The following MAGI2 variants were observed in gnomAD, a reference collection of about 807,000 sequenced individuals.
MAGI2 encodes the protein membrane-associated guanylate kinase, WW and PDZ domain-containing protein 2.
MAGI2 carries 35 observed loss-of-function variants against 133.3 expected under a neutral mutation model. That is an observed-to-expected ratio of 0.26 (90% CI 0.20 to 0.35). MAGI2 has a LOEUF of 0.35. Ranked by LOEUF, MAGI2 falls within the 10% of genes least tolerant of loss-of-function variation. The pLI, the probability that MAGI2 is intolerant of heterozygous loss-of-function variation, is 1.00. For synonymous variants in MAGI2, 729 were observed against 710.6 expected (o/e 1.03, Z -0.41); for missense variants, 1,636 against 1,863.4 (o/e 0.88, Z 2.25).
intron 1 of MAGI2, among the ~76,000 whole-genome samples, chr7:79,129,668 A>T (rs1820737064): frequency 6.6e-6 from 1 of 151,000 alleles, no homozygotes; most frequent in Non-Finnish European, 1.5e-5. Context: ...TGCTTGCAGA[A>T]AATAAGTCTC....
At chr7:78,908,777 A>G (rs1798165850) in intron 2 of MAGI2, among the ~76,000 whole-genome samples, 1 of 152,216 alleles carries the variant, frequency 6.6e-6, no homozygotes, top group Non-Finnish European at 1.5e-5. Context: ...TTGAAAACAT[A>G]TTATGTATTC....
intron 2 of MAGI2, among the ~76,000 whole-genome samples, chr7:78,778,029 G>A (rs566513210): frequency 6.6e-6 from 1 of 152,276 alleles, no homozygotes; most frequent in African/African-American, 2.4e-5. Context: ...TTCCTTTCTT[G>A]AGCTGCTCTT....
intron 1 of MAGI2, among the ~76,000 whole-genome samples, chr7:79,273,464 T>A (rs1835021234): frequency 2.0e-5 from 3 of 152,104 alleles, no homozygotes; most frequent in Non-Finnish European, 4.4e-5. Flanking sequence ...AAAGTTTCTC[T>A]TGCTCTTGGG....
intron 2 of MAGI2, among the ~76,000 whole-genome samples, chr7:78,949,938 C>T (rs1801732752): frequency 6.6e-6 from 1 of 152,156 alleles, no homozygotes; most frequent in South Asian, 2.1e-4. Flanking sequence ...TTAAACCAGG[C>T]TTGTTTCTGG....
At chr7:79,242,302 A>T (rs1201956563) in intron 1 of MAGI2, among the ~76,000 whole-genome samples, 1 of 152,306 alleles carries the variant, frequency 6.6e-6, no homozygotes, top group South Asian at 2.1e-4. Flanking sequence ...TACAATTTTT[A>T]TCTGTCAATT....
At chr7:79,125,106 G>T (rs1054174175) in intron 1 of MAGI2, 6 of 283,982 alleles carry the variant, frequency 2.1e-5, no homozygotes, top group Admixed American at 4.1e-5. Context: ...GAGACTATTT[G>T]GAACAGTGTG....
At chr7:79,214,548 G>T (rs1829840394) in intron 1 of MAGI2, among the ~76,000 whole-genome samples, 1 of 139,622 alleles carries the variant, frequency 7.2e-6, no homozygotes, top group African/African-American at 2.6e-5. Context: ...GGAAACATGG[G>T]AATTTAAACT....
At chr7:78,243,638 T>C (rs1306189235) in intron 10 of MAGI2, among the ~76,000 whole-genome samples, 1 of 152,164 alleles carries the variant, frequency 6.6e-6, no homozygotes, top group Non-Finnish European at 1.5e-5. Context: ...AAAAGATGTG[T>C]ATTATCCATA....
intron 2 of MAGI2, among the ~76,000 whole-genome samples, chr7:78,673,809 T>A (rs960959850): frequency 2.0e-5 from 3 of 152,086 alleles, no homozygotes; most frequent in Non-Finnish European, 2.9e-5. Flanking sequence ...TGATCAAATA[T>A]CTGGACAATC....
At chr7:78,406,854 A>G (rs992707508) in intron 6 of MAGI2, among the ~76,000 whole-genome samples, 30 of 152,204 alleles carry the variant, frequency 2.0e-4, no homozygotes, top group Non-Finnish European at 3.4e-4. Context: ...TTGACATATA[A>G]TACTACATAG....
At chr7:78,405,670 T>C (rs149147342) in intron 6 of MAGI2, among the ~76,000 whole-genome samples, 541 of 152,198 alleles carry the variant, frequency 3.6e-3, no homozygotes, top group South Asian at 0.011. Context: ...AAAAATATTC[T>C]TATTTGGAGA....
intron 14 of MAGI2, among the ~76,000 whole-genome samples, chr7:78,168,872 C>G (rs1176882731): frequency 6.6e-6 from 1 of 152,208 alleles, no homozygotes; most frequent in Non-Finnish European, 1.5e-5. Flanking sequence ...AAAGCAAACT[C>G]ATAGTTGGCT....
intron 2 of MAGI2, among the ~76,000 whole-genome samples, chr7:78,659,951 C>T (rs188056373): frequency 4.9e-4 from 74 of 152,194 alleles, no homozygotes; most frequent in African/African-American, 1.5e-3. Flanking sequence ...CCATAAAAAA[C>T]GATGAGTTCG....
chr7:78,822,924 A>C (rs1406155332), intron 2 of MAGI2, among the ~76,000 whole-genome samples: 3 of 152,238 alleles, frequency 2.0e-5, no homozygotes, highest in Non-Finnish European at 4.4e-5. Flanking sequence ...CAACTACAAT[A>C]AACTATGGGC....
intron 2 of MAGI2, among the ~76,000 whole-genome samples, chr7:78,983,653 C>A (rs571943281): frequency 6.6e-6 from 1 of 151,958 alleles, no homozygotes; most frequent in Non-Finnish European, 1.5e-5. Context: ...TACTTGCCCT[C>A]TAATAGTTGA....
chr7:79,434,422 T>C (rs1761575044), intron 1 of MAGI2, among the ~76,000 whole-genome samples: 1 of 152,158 alleles, frequency 6.6e-6, no homozygotes, highest in African/African-American at 2.4e-5. Context: ...ACAAAAATGA[T>C]AGTAAAAAAA....
intron 6 of MAGI2, among the ~76,000 whole-genome samples, chr7:78,382,089 C>T (rs1393328148): frequency 6.6e-6 from 1 of 152,090 alleles, no homozygotes; most frequent in Non-Finnish European, 1.5e-5. Flanking sequence ...TATGTGCAGA[C>T]AGTACAGAAC....
chr7:78,649,500 C>T (rs1811316419), intron 2 of MAGI2, among the ~76,000 whole-genome samples: 1 of 151,922 alleles, frequency 6.6e-6, no homozygotes, highest in Non-Finnish European at 1.5e-5. Flanking sequence ...TGTTCAGATC[C>T]AAATCTTATG....
intron 3 of MAGI2, among the ~76,000 whole-genome samples, chr7:78,529,934 G>T (rs1274199491): frequency 6.6e-6 from 1 of 151,716 alleles, no homozygotes; most frequent in Non-Finnish European, 1.5e-5. Flanking sequence ...AAAAGTTACT[G>T]TAATATTTTA....
Sources: allele counts gnomAD v4.1 joint callset (sites outside exome capture counted in the v4.1 genomes callset), GRCh38; gene constraint gnomAD v4.1.1; transcripts MANE v1.5; gene names NCBI Gene and HGNC (gene_info 2026-07-23, HGNC 2026-07-21).